Variants in MYO3B observed in about 807,000 individuals in gnomAD.
MYO3B encodes the protein myosin-IIIb.
Under a neutral mutation model 174.6 loss-of-function variants are expected in MYO3B, and 156 were observed. The observed-to-expected ratio is 0.89, with a 90% confidence interval of 0.78 to 1.02. The LOEUF (loss-of-function observed/expected upper bound fraction) is 1.02, where lower values mean the gene tolerates loss of function less well. Among genes scored for constraint, MYO3B ranks in the 50% least tolerant of loss-of-function variants. MYO3B has a pLI of 0.00. For synonymous variants in MYO3B, 563 were observed against 569.1 expected, an observed-to-expected ratio of 0.99 and a Z score of 0.15; for missense variants, 1,632 against 1,639.4, an observed-to-expected ratio of 1.00 and a Z score of 0.08.
chr2:170,314,007 C>G (rs2093757355), intron 7 of MYO3B, among the ~76,000 whole-genome samples: 1 of 152,178 alleles, frequency 6.6e-6, no homozygotes, highest in South Asian at 2.1e-4. Context: ...TTTCGTGAAC[C>G]ACAAGGCTGA....
At chr2:170,650,900 T>G (rs1575349583) in intron 32 of MYO3B, among the ~76,000 whole-genome samples, 3 of 141,450 alleles carry the variant, frequency 2.1e-5, no homozygotes. Flanking sequence ...GCTAGGCTGG[T>G]CTCGAACTCC....
intron 7 of MYO3B, among the ~76,000 whole-genome samples, chr2:170,236,871 A>G (rs1435280535): frequency 6.6e-6 from 1 of 152,212 alleles, no homozygotes; most frequent in Non-Finnish European, 1.5e-5. Context: ...GCAGGCTGGG[A>G]GCCATTTAAC....
chr2:170,561,241 C>G (rs559119853), intron 32 of MYO3B, among the ~76,000 whole-genome samples: 1 of 152,204 alleles, frequency 6.6e-6, no homozygotes, highest in African/African-American at 2.4e-5. Context: ...GGATGCCTCC[C>G]TCTCATCTAC....
intron 30 of MYO3B, among the ~76,000 whole-genome samples, chr2:170,520,458 TACAC>T (rs960845081): frequency 7.0e-6 from 1 of 142,762 alleles, no homozygotes; most frequent in Non-Finnish European, 1.5e-5. Flanking sequence ...CATATATATA[TACAC>T]ACACATATAT....
chr2:170,478,002 C>T (rs1685418290), intron 25 of MYO3B, among the ~76,000 whole-genome samples: 1 of 152,122 alleles, frequency 6.6e-6, no homozygotes, highest in South Asian at 2.1e-4. Flanking sequence ...ATGGCTATTG[C>T]CCCTTCAACT....
At chr2:170,392,035 A>G (rs1191811074) in intron 15 of MYO3B, among the ~76,000 whole-genome samples, 1 of 151,086 alleles carries the variant, frequency 6.6e-6, no homozygotes, top group East Asian at 1.9e-4. Context: ...AGGTGGGAGA[A>G]CTGCTTGAAC....
At chr2:170,266,665 A>G (rs2093386111) in intron 7 of MYO3B, among the ~76,000 whole-genome samples, 3 of 152,228 alleles carry the variant, frequency 2.0e-5, no homozygotes, top group South Asian at 4.1e-4. Flanking sequence ...CTAGGGGTCT[A>G]TAGTGAGTTC....
Position 170,463,396 on chromosome 2 carries a change from C to A in MYO3B, c.2759C>A (p.Pro920Gln). The A allele has an allele frequency of 1.2e-6, 2 of 1,613,992 alleles. No homozygotes were observed. Among genetic ancestry groups the A allele is most frequent in the Non-Finnish European group, 8.5e-7 (1 of 1,180,028 alleles). ...GACACTCTGGAGGTGATACGGCATC[C>A]GGAAGAAACCACCAACATGAAGAGG... The part of the protein sequence containing the change: ...KVDTLEVIRH[P>Q]EETTNMKRQT... Residue 920 changes from proline to glutamine, a missense_variant, in exon 24 of 35, where the codon CCG becomes CAG. By Grantham distance (76) the Pro-to-Gln change is moderately conservative. Transcript: ENST00000408978.
chr2:170,355,158 A>T (rs2094110618), intron 8 of MYO3B, among the ~76,000 whole-genome samples: 1 of 152,214 alleles, frequency 6.6e-6, no homozygotes, highest in African/African-American at 2.4e-5. Context: ...GGTGACAGGC[A>T]TGGTAGTGGT....
In MYO3B at chr2:170,654,820, A is replaced by G. The variant is rs1031813655; in HGVS notation, c.*1699A>G. On this transcript the variant is annotated 3_prime_UTR_variant, in exon 35 of 35. Coordinates refer to ENST00000408978, the MANE Select transcript of MYO3B (RefSeq NM_138995.5). Reference sequence around the variant, plus strand: ...GGTATTTAAAGATCTCAGAAATTGTAATTTTACAAGTAAAATAAATATAGC... The same window carrying G: ...GGTATTTAAAGATCTCAGAAATTGTGATTTTACAAGTAAAATAAATATAGC... 6.6e-6 allele frequency: 1 copy of G among 152,154 alleles called. No homozygotes were observed. Among genetic ancestry groups the G allele is most frequent in the Non-Finnish European group, 1.5e-5 (1 of 68,030 alleles). The allele number at this position is 152,154 out of a possible 1,614,324, so 9.4% of individuals were successfully genotyped here. A position where few individuals can be genotyped will look rare whatever the true frequency, so the allele number is the denominator to read the frequency against.
At chr2:170,267,052 A>G (rs2093389126) in intron 7 of MYO3B, among the ~76,000 whole-genome samples, 1 of 152,260 alleles carries the variant, frequency 6.6e-6, no homozygotes, top group Non-Finnish European at 1.5e-5. Flanking sequence ...TTTCTGTATT[A>G]GAGCCAGGAA....
chr2:170,205,645 A>G (rs2092706346), intron 3 of MYO3B, among the ~76,000 whole-genome samples: 1 of 152,018 alleles, frequency 6.6e-6, no homozygotes, highest in Admixed American at 6.6e-5. Context: ...TGTCATTTCT[A>G]TCTCAAAAAA....
rs2093259024 is a variant in MYO3B at position 170,252,040 on chromosome 2, C to T, written c.749+15904C>T. Among the ~76,000 whole-genome samples the T allele has an allele frequency of 1.3e-5, 2 of 152,220 alleles. 1 individual carries two copies. Among genetic ancestry groups the T allele is most frequent in the African/African-American group, 4.8e-5 (2 of 41,456 alleles). On this transcript the variant is annotated intron_variant, in intron 7 of 34. Coordinates refer to ENST00000408978, the MANE Select transcript of MYO3B (RefSeq NM_138995.5). Reference sequence around the variant, plus strand: ...TTGGCTTACCTCTCTCATCATTAGGCTTGGTGATCTGCCTTGATCTGGCAT... The same window carrying T: ...TTGGCTTACCTCTCTCATCATTAGGTTTGGTGATCTGCCTTGATCTGGCAT...
chr2:170,320,769 C>T (rs1200975201), intron 7 of MYO3B, among the ~76,000 whole-genome samples: 2 of 152,042 alleles, frequency 1.3e-5, no homozygotes, highest in African/African-American at 2.4e-5. Context: ...ACAACATTCT[C>T]TGACCACAAT....
chr2:170,184,505 C>T (rs1197053596), intron 1 of MYO3B, among the ~76,000 whole-genome samples: 1 of 152,140 alleles, frequency 6.6e-6, no homozygotes, highest in East Asian at 1.9e-4. Context: ...CATGTTGTTG[C>T]AAATGACAGG....
intron 28 of MYO3B, among the ~76,000 whole-genome samples, chr2:170,509,814 TG>T (rs1327636918): frequency 1.3e-5 from 2 of 152,164 alleles, no homozygotes; most frequent in African/African-American, 4.8e-5. Flanking sequence ...TGTTGCCTTC[TG>T]GTGTGGAAAG....
intron 32 of MYO3B, among the ~76,000 whole-genome samples, chr2:170,580,770 A>G (rs1693094576): frequency 6.9e-6 from 1 of 144,800 alleles, no homozygotes; most frequent in Non-Finnish European, 1.5e-5. Flanking sequence ...ATGAAAGCGT[A>G]AATAGTATAT....
intron 7 of MYO3B, among the ~76,000 whole-genome samples, chr2:170,259,810 C>T (rs947111761): frequency 6.6e-6 from 1 of 152,058 alleles, no homozygotes; most frequent in Non-Finnish European, 1.5e-5. Context: ...TATTCACCAA[C>T]TATGCATCCA....
chr2:170,329,023 GT>G (rs543362164), intron 7 of MYO3B, among the ~76,000 whole-genome samples: 1 of 152,082 alleles, frequency 6.6e-6, no homozygotes, highest in South Asian at 2.1e-4. Flanking sequence ...ATGATGGCAG[GT>G]GTCTGTAATC....
Sources: allele counts gnomAD v4.1 joint callset (sites outside exome capture counted in the v4.1 genomes callset), GRCh38; gene constraint gnomAD v4.1.1; transcripts MANE v1.5; gene names NCBI Gene and HGNC (gene_info 2026-07-23, HGNC 2026-07-21).